The following TMEM178B variants were observed in gnomAD, a reference collection of about 807,000 sequenced individuals.
TMEM178B encodes transmembrane protein 178B.
A neutral mutation model predicts 31.0 loss-of-function variants in TMEM178B; 5 were observed. That is an observed-to-expected ratio of 0.16 (90% CI 0.08 to 0.34). The LOEUF (loss-of-function observed/expected upper bound fraction) is 0.34. Among genes scored for constraint, TMEM178B ranks in the 10% least tolerant of loss-of-function variants. The pLI, the probability that TMEM178B is intolerant of heterozygous loss-of-function variation, is 1.00. For missense variants in TMEM178B, 275 were observed against 400.3 expected (o/e 0.69, Z 2.67); for synonymous variants, 164 against 164.0 (o/e 1.00, Z 0.00).
In TMEM178B at chr7:141,149,975, G is replaced by T. The variant is rs181139836; in HGVS notation, c.383-62616G>T. 6.0e-4 allele frequency among the ~76,000 whole-genome samples: 92 copies of T among 152,322 alleles called. 1 individual carries two copies. The highest frequency in any genetic ancestry group is 2.1e-3 in the African/African-American group (86 of 41,572). On this transcript the variant is annotated intron_variant, in intron 1 of 3. Transcript: ENST00000565468. Reference sequence around the variant, plus strand: ...AGGTGGCCTGGGGGTAGAGCTGACAGGATTTGTTGATGGGTGGAAAGTGGG... The same window carrying T: ...AGGTGGCCTGGGGGTAGAGCTGACATGATTTGTTGATGGGTGGAAAGTGGG...
intron 1 of TMEM178B, among the ~76,000 whole-genome samples, chr7:141,130,884 CT>C (rs1197685527): frequency 5.9e-5 from 9 of 152,266 alleles, no homozygotes; most frequent in Non-Finnish European, 7.4e-5. Context: ...GCAAGATGGC[CT>C]TTTAAGTACA....
At chr7:141,354,154 T>A (rs1377365414) in intron 2 of TMEM178B, among the ~76,000 whole-genome samples, 1 of 152,204 alleles carries the variant, frequency 6.6e-6, no homozygotes, top group African/African-American at 2.4e-5. Flanking sequence ...ACTCTTGGGC[T>A]CCACAGTTTA....
intron 3 of TMEM178B, among the ~76,000 whole-genome samples, chr7:141,452,091 C>G (rs926947906): frequency 3.9e-5 from 6 of 152,148 alleles, no homozygotes; most frequent in Non-Finnish European, 4.4e-5. Context: ...GCTTTTGACT[C>G]TCTTTGCTTT....
chr7:141,456,131 G>A (rs116487586), intron 3 of TMEM178B, among the ~76,000 whole-genome samples: 1,689 of 152,292 alleles, frequency 0.011, 29 homozygotes, highest in African/African-American at 0.039. Context: ...CATGTCAGGA[G>A]GTGAGAAGCA....
At position 141,422,633 on chromosome 7, in the gene TMEM178B, C is replaced by A. The variant is rs1438296695; in HGVS notation, c.497-14975C>A. ...ATTGTTTCAGGCCACAGCTAGGCAC[C>A]CTCCCCTGTGTCCTCTAAATTCTAG... On this transcript the variant is annotated intron_variant, in intron 2 of 3. Transcript: ENST00000565468. The surrounding 1 kb of genome is among the most constrained non-coding windows in gnomAD (Gnocchi z 4.2). Among the ~76,000 whole-genome samples the A allele has an allele frequency of 2.0e-5, 3 of 152,128 alleles. No individual in the cohort carries two copies. The highest frequency in any genetic ancestry group is 7.2e-5 in the African/African-American group (3 of 41,438).
chr7:141,262,474 AATATAT>A (rs10570183), intron 2 of TMEM178B, among the ~76,000 whole-genome samples: 38,491 of 131,732 alleles, frequency 0.29, 6,125 homozygotes, highest in Non-Finnish European at 0.36. Flanking sequence ...AAATACATAT[AATATAT>A]ATATATATAT....
chr7:141,324,416 GTTTTTTTTTTT>G (rs56316531), intron 2 of TMEM178B, among the ~76,000 whole-genome samples: 6,470 of 85,756 alleles, frequency 0.075, 351 homozygotes, highest in East Asian at 0.23. Context: ...GGAGACCAGG[GTTTTTTTTTTT>G]TTTTTTTTTT....
chr7:141,106,414 A>C (rs1488599359), intron 1 of TMEM178B, among the ~76,000 whole-genome samples: 1 of 152,240 alleles, frequency 6.6e-6, no homozygotes, highest in Non-Finnish European at 1.5e-5. Flanking sequence ...AATGCATCTA[A>C]CTTTTAAAGT....
intron 1 of TMEM178B, among the ~76,000 whole-genome samples, chr7:141,177,215 C>T (rs1004757667): frequency 6.6e-6 from 1 of 152,140 alleles, no homozygotes; most frequent in African/African-American, 2.4e-5. Flanking sequence ...AGGAGTTATT[C>T]AGGAGCAGGT....
At chr7:141,174,314 A>G (rs1796392661) in intron 1 of TMEM178B, among the ~76,000 whole-genome samples, 1 of 152,134 alleles carries the variant, frequency 6.6e-6, no homozygotes, top group Non-Finnish European at 1.5e-5. Context: ...ATGGCTGCAT[A>G]GTGTTCCATG....
intron 1 of TMEM178B, among the ~76,000 whole-genome samples, chr7:141,127,511 C>T (rs1201562924): frequency 1.3e-5 from 2 of 152,046 alleles, no homozygotes; most frequent in African/African-American, 4.8e-5. Context: ...GGGAGGGCCA[C>T]GTGAATATGT....
At chr7:141,155,227 A>C (rs1444813227) in intron 1 of TMEM178B, among the ~76,000 whole-genome samples, 1 of 152,168 alleles carries the variant, frequency 6.6e-6, no homozygotes, top group Admixed American at 6.5e-5. Context: ...ACAGAGAAGT[A>C]GTTTGTAGAG....
chr7:141,083,503 G>GAGAC (rs56305234), intron 1 of TMEM178B, among the ~76,000 whole-genome samples: 87,097 of 148,386 alleles, frequency 0.59, 27,142 homozygotes, highest in East Asian at 0.73. Context: ...GAGAGAGAGA[G>GAGAC]AGACAGACAG....
rs117487937 is a variant in TMEM178B at position 141,435,782 on chromosome 7, G to A, written c.497-1826G>A. On this transcript the variant is annotated intron_variant, in intron 2 of 3. Transcript: ENST00000565468. ...GTGCTGCATGATAATCAGGCACCCT[G>A]GGCAGTTCCCATAAGTGACTGTAAG... is the stretch of plus-strand genomic sequence containing the variant. 7.2e-3 allele frequency among the ~76,000 whole-genome samples: 1,098 copies of A among 152,320 alleles called. 5 individuals are homozygous for A. The highest frequency in any genetic ancestry group is 0.011 in the Non-Finnish European group (759 of 68,022).
intron 1 of TMEM178B, among the ~76,000 whole-genome samples, chr7:141,188,872 C>A (rs1218957492): frequency 5.9e-5 from 9 of 152,216 alleles, no homozygotes; most frequent in African/African-American, 2.2e-4. Flanking sequence ...ACCTGAGAAA[C>A]CCTGAAAAGA....
intron 2 of TMEM178B, among the ~76,000 whole-genome samples, chr7:141,338,266 T>TA (rs1474680276): frequency 6.6e-6 from 1 of 152,252 alleles, no homozygotes; most frequent in Admixed American, 6.5e-5. Flanking sequence ...TTAATAAGTC[T>TA]ATTTTGTTTA....
At chr7:141,398,422 C>T (rs1296172765) in intron 2 of TMEM178B, among the ~76,000 whole-genome samples, 1 of 152,106 alleles carries the variant, frequency 6.6e-6, no homozygotes, top group Non-Finnish European at 1.5e-5. Context: ...CTGGGGAATA[C>T]CCAGAGAAAC....
Position 141,145,831 on chromosome 7 carries a change from C to A in TMEM178B, c.383-66760C>A, listed in dbSNP as rs570083149. ...ACGTGCTGAGCTGCTTGTCTTGTGGCCTAAATTAGGGCTCCTGCCCAGTTA... is the reference window on the plus strand; with the variant it reads ...ACGTGCTGAGCTGCTTGTCTTGTGGACTAAATTAGGGCTCCTGCCCAGTTA... On this transcript the variant is annotated intron_variant, in intron 1 of 3. Transcript: ENST00000565468. Among the ~76,000 whole-genome samples the A allele has an allele frequency of 2.6e-5, 4 of 152,286 alleles. No individual in the cohort carries two copies. The South Asian group carries it at 8.3e-4, about 32-fold the overall frequency.
chr7:141,215,833 T>TC (rs1491301171), intron 2 of TMEM178B, among the ~76,000 whole-genome samples: 1 of 38,810 alleles, frequency 2.6e-5, no homozygotes, highest in East Asian at 1.1e-3. Context: ...TTTCTTTCTT[T>TC]CTTTCTTTTC....
Sources: allele counts gnomAD v4.1 joint callset (sites outside exome capture counted in the v4.1 genomes callset), GRCh38; gene constraint gnomAD v4.1.1; non-coding constraint Gnocchi (gnomAD v3.1); transcripts MANE v1.5; gene names NCBI Gene and HGNC (gene_info 2026-07-23, HGNC 2026-07-21).